Variants in FOXP2 observed in about 807,000 individuals in gnomAD.
FOXP2 encodes forkhead box P2.
In FOXP2, 12 loss-of-function variants were observed where a neutral mutation model predicts 115.8. The observed-to-expected ratio is 0.10, with a 90% CI of 0.07 to 0.17. The LOEUF is 0.17. FOXP2 is among the 10% of genes least tolerant of loss of function. FOXP2 has a pLI of 1.00. For synonymous variants in FOXP2, 328 were observed against 297.7 expected (o/e 1.10, Z -1.05); for missense variants, 629 against 843.5 (o/e 0.75, Z 3.15).
intron 1 of FOXP2, among the ~76,000 whole-genome samples, chr7:114,108,896 A>G (rs1430855168): frequency 2.0e-5 from 3 of 151,972 alleles, no homozygotes; most frequent in Non-Finnish European, 4.4e-5. Context: ...GATGAACTAT[A>G]TCTAGCAATA....
chr7:114,146,187 G>A (rs1792363653), intron 1 of FOXP2, among the ~76,000 whole-genome samples: 1 of 152,184 alleles, frequency 6.6e-6, no homozygotes, highest in Non-Finnish European at 1.5e-5. Flanking sequence ...TGTAATTTCA[G>A]AGGTTGCAAT....
intron 2 of FOXP2, among the ~76,000 whole-genome samples, chr7:114,508,332 T>C (rs978668325): frequency 6.6e-6 from 1 of 152,010 alleles, no homozygotes; most frequent in Non-Finnish European, 1.5e-5. Context: ...TCCAAAAGTG[T>C]AGAGTGATTC....
intron 2 of FOXP2, among the ~76,000 whole-genome samples, chr7:114,533,777 G>C (rs538616673): frequency 6.6e-6 from 1 of 151,912 alleles, no homozygotes; most frequent in African/African-American, 2.4e-5. Context: ...CCTACCTTTA[G>C]AAGAATTTAC....
intron 3 of FOXP2, among the ~76,000 whole-genome samples, chr7:114,595,540 C>T (rs987291871): frequency 1.6e-4 from 25 of 151,912 alleles, no homozygotes; most frequent in Admixed American, 2.6e-4. Flanking sequence ...TTAATAGATA[C>T]CCAATTCTGC....
intron 3 of FOXP2, among the ~76,000 whole-genome samples, chr7:114,586,733 C>T (rs892527817): frequency 7.2e-5 from 11 of 152,116 alleles, no homozygotes; most frequent in African/African-American, 2.4e-4. Context: ...TCCATCTTAA[C>T]TGAGATTTTT....
At chr7:114,379,772 C>T (rs1792235516) in intron 2 of FOXP2, among the ~76,000 whole-genome samples, 1 of 152,182 alleles carries the variant, frequency 6.6e-6, no homozygotes, top group African/African-American at 2.4e-5. Context: ...CCCTGACTAT[C>T]TGCTTGATAG....
chr7:114,325,799 T>C (rs540092280), intron 2 of FOXP2, among the ~76,000 whole-genome samples: 2 of 151,978 alleles, frequency 1.3e-5, no homozygotes, highest in African/African-American at 2.4e-5. Flanking sequence ...AGCAGCTAAA[T>C]TAAAGGAGGC....
chr7:114,542,020 T>C (rs1166276380), intron 3 of FOXP2, among the ~76,000 whole-genome samples: 1 of 152,084 alleles, frequency 6.6e-6, no homozygotes, highest in African/African-American at 2.4e-5. Context: ...AGACAAAAAG[T>C]AAAATTATTT....
At chr7:114,259,310 G>A in intron 1 of FOXP2, among the ~76,000 whole-genome samples, 1 of 152,156 alleles carries the variant, frequency 6.6e-6, no homozygotes, top group East Asian at 1.9e-4. Flanking sequence ...TGTTAACGTT[G>A]TTTACACTGA....
intron 8 of FOXP2, among the ~76,000 whole-genome samples, chr7:114,648,722 AAC>A: frequency 1.3e-5 from 2 of 152,220 alleles, no homozygotes; most frequent in East Asian, 3.9e-4. Context: ...CTACCTACCT[AAC>A]ACACAGATTC....
At chr7:114,577,963 GA>G (rs34734535) in intron 3 of FOXP2, among the ~76,000 whole-genome samples, 12,326 of 151,834 alleles carry the variant, frequency 0.081, 1,049 homozygotes, top group East Asian at 0.23. Context: ...CAATTGTAGA[GA>G]GAAAGTGTTA....
intron 2 of FOXP2, among the ~76,000 whole-genome samples, chr7:114,340,882 T>C (rs924394540): frequency 6.6e-6 from 1 of 151,120 alleles, no homozygotes; most frequent in Non-Finnish European, 1.5e-5. Flanking sequence ...GGATGGATTA[T>C]CTTAATGGAT....
intron 3 of FOXP2, among the ~76,000 whole-genome samples, chr7:114,572,846 G>A (rs1801387780): frequency 6.6e-6 from 1 of 151,876 alleles, no homozygotes. Context: ...ACATGAAGAA[G>A]TGAAATGATT....
intron 2 of FOXP2, among the ~76,000 whole-genome samples, chr7:114,360,815 T>C (rs1380329156): frequency 6.6e-6 from 1 of 152,192 alleles, no homozygotes; most frequent in African/African-American, 2.4e-5. Flanking sequence ...AGCTTTCAAT[T>C]ATCCAAACTA....
intron 3 of FOXP2, among the ~76,000 whole-genome samples, chr7:114,604,169 C>T (rs1234978158): frequency 6.6e-6 from 1 of 152,124 alleles, no homozygotes; most frequent in Admixed American, 6.6e-5. Flanking sequence ...TGAGGATCTA[C>T]TTCCTGGTTT....
chr7:114,614,009 G>C (rs1803781943), intron 3 of FOXP2: 1 of 152,044 alleles, frequency 6.6e-6, no homozygotes, highest in Admixed American at 6.6e-5. Flanking sequence ...ATGTATTGTT[G>C]TTAAAAATGC....
intron 7 of FOXP2, among the ~76,000 whole-genome samples, chr7:114,643,450 A>G (rs1805695149): frequency 6.6e-6 from 1 of 152,226 alleles, no homozygotes; most frequent in South Asian, 2.1e-4. Context: ...ATGATGAAAT[A>G]AGTAAATATA....
At chr7:114,267,122 A>G (rs1461149314) in intron 1 of FOXP2, among the ~76,000 whole-genome samples, 2 of 152,142 alleles carry the variant, frequency 1.3e-5, no homozygotes, top group Non-Finnish European at 2.9e-5. Flanking sequence ...GCCAAATCCT[A>G]TTCTTCTTGC....
chr7:114,564,640 G>C lies in FOXP2; in HGVS notation c.258+29934G>C, dbSNP rs1017850083. On this transcript the variant is annotated intron_variant, in intron 3 of 16. Transcript: ENST00000350908. ...CATACCTATAATCTCAGCACTTTGG[G>C]AGGCCGAGGTGGGAGGATCACTTGA... is the stretch of plus-strand genomic sequence containing the variant. 2.5e-4 allele frequency among the ~76,000 whole-genome samples: 38 copies of C among 151,996 alleles called. 1 individual carries two copies. The highest frequency in any genetic ancestry group is 9.2e-4 in the African/African-American group (38 of 41,380).
Sources: allele counts gnomAD v4.1 joint callset (sites outside exome capture counted in the v4.1 genomes callset), GRCh38; gene constraint gnomAD v4.1.1; transcripts MANE v1.5; gene names NCBI Gene and HGNC (gene_info 2026-07-23, HGNC 2026-07-21).